Variants in NELL1 observed in about 807,000 individuals in gnomAD.
NELL1 encodes neural EGFL like 1, also known as protein kinase C-binding protein NELL1.
Under a neutral mutation model 107.4 loss-of-function variants are expected in NELL1, and 76 were observed. That is an observed-to-expected ratio of 0.71 (90% confidence interval 0.59 to 0.86). NELL1 has a LOEUF of 0.86. Among genes scored for constraint, NELL1 ranks in the 40% least tolerant of loss-of-function variants. NELL1 has a pLI of 0.00. For missense variants in NELL1, 1,024 were observed against 1,005.5 expected, an observed-to-expected ratio of 1.02 and a Z score of -0.25; for synonymous variants, 353 against 341.2, an observed-to-expected ratio of 1.03 and a Z score of -0.38.
intron 3 of NELL1, among the ~76,000 whole-genome samples, chr11:20,796,850 G>A (rs561353553): frequency 1.3e-5 from 2 of 152,298 alleles, no homozygotes; most frequent in African/African-American, 4.8e-5. Flanking sequence ...ACCAAAAGGA[G>A]TCAGAAATTC....
intron 12 of NELL1, among the ~76,000 whole-genome samples, chr11:21,027,282 C>CTAGTTTAGTTTAGTTTAGTTTAGTT (rs60300243): frequency 3.8e-4 from 53 of 141,002 alleles, no homozygotes; most frequent in Middle Eastern, 3.6e-3. Flanking sequence ...TGGGAAAAGC[C>CTAGTTTAGTTTAGTTTAGTTTAGTT]TAGTTTAGTT....
At chr11:21,073,146 C>T (rs1289181423) in intron 12 of NELL1, among the ~76,000 whole-genome samples, 1 of 152,150 alleles carries the variant, frequency 6.6e-6, no homozygotes, top group Non-Finnish European at 1.5e-5. Flanking sequence ...TATGTTGAGT[C>T]TGTTTGATCT....
chr11:21,547,875 T>C (rs190009941), intron 16 of NELL1, among the ~76,000 whole-genome samples: 9 of 151,946 alleles, frequency 5.9e-5, no homozygotes, highest in Admixed American at 5.9e-4. Flanking sequence ...TGCCACGTAG[T>C]GAGTAGCAAT....
intron 15 of NELL1, among the ~76,000 whole-genome samples, chr11:21,448,625 T>C (rs899640284): frequency 6.6e-6 from 1 of 152,198 alleles, no homozygotes; most frequent in Non-Finnish European, 1.5e-5. Flanking sequence ...GATAAGTTTT[T>C]ATGTGGGTAT....
At chr11:21,398,616 A>C (rs1852031219) in intron 15 of NELL1, among the ~76,000 whole-genome samples, 1 of 151,746 alleles carries the variant, frequency 6.6e-6, no homozygotes, top group African/African-American at 2.4e-5. Flanking sequence ...TGAGGAGGGC[A>C]GTTAGAAGGA....
chr11:21,455,674 T>C (rs1328115275), intron 15 of NELL1, among the ~76,000 whole-genome samples: 5 of 152,064 alleles, frequency 3.3e-5, no homozygotes, highest in African/African-American at 7.2e-5. Flanking sequence ...TTTTCATCCA[T>C]TTTGATTAAG....
At chr11:20,968,843 A>G (rs1851437647) in intron 12 of NELL1, among the ~76,000 whole-genome samples, 1 of 152,050 alleles carries the variant, frequency 6.6e-6, no homozygotes, top group Non-Finnish European at 1.5e-5. Context: ...ATGGAAGGTT[A>G]CCAGTGGGAG....
Position 20,980,161 on chromosome 11 carries a change from G to A in NELL1, c.1300+19601G>A, listed in dbSNP as rs186502073. Among the ~76,000 whole-genome samples, 243 of 152,186 alleles carry A rather than the reference G, an allele frequency of 1.6e-3. 1 individual carries two copies. The highest frequency in any genetic ancestry group is 5.5e-3 in the African/African-American group (230 of 41,494). ...TGTCTGAATTTATCGAGCATCTCTT[G>A]TTCTCAGATACTGTGCTAGGTACTA... On this transcript the variant is annotated intron_variant, in intron 12 of 19. Transcript: ENST00000357134.
intron 15 of NELL1, among the ~76,000 whole-genome samples, chr11:21,427,011 G>C (rs1178710106): frequency 1.3e-5 from 2 of 152,146 alleles, no homozygotes; most frequent in African/African-American, 4.8e-5. Context: ...TTGCCCCCAT[G>C]TAATTACCAC....
rs186059887 is a variant in NELL1 at position 20,699,616 on chromosome 11, C to T, written c.184+21556C>T. ...CTCATGATCTGCCCACCTTGGCCTCCCAAAGTGCTGGGATTACAGGCGTGA... is the reference window on the plus strand; with the variant it reads ...CTCATGATCTGCCCACCTTGGCCTCTCAAAGTGCTGGGATTACAGGCGTGA... On this transcript the variant is annotated intron_variant, in intron 2 of 19. Transcript: ENST00000357134. 1.7e-3 allele frequency among the ~76,000 whole-genome samples: 266 copies of T among 152,292 alleles called. 1 individual carries two copies. The highest frequency in any genetic ancestry group is 6.3e-3 in the African/African-American group (260 of 41,560).
At chr11:20,923,256 GA>G in intron 7 of NELL1, among the ~76,000 whole-genome samples, 1 of 152,236 alleles carries the variant, frequency 6.6e-6, no homozygotes, top group East Asian at 1.9e-4. Flanking sequence ...GTCTGTGTAG[GA>G]GAGCTCATTG....
intron 13 of NELL1, among the ~76,000 whole-genome samples, chr11:21,183,654 G>C (rs377022280): frequency 6.6e-6 from 1 of 151,822 alleles, no homozygotes; most frequent in African/African-American, 2.4e-5. Flanking sequence ...ATTTTCACTC[G>C]TATTTCAAGG....
At chr11:20,755,844 C>A (rs1208755260) in intron 2 of NELL1, among the ~76,000 whole-genome samples, 1 of 147,748 alleles carries the variant, frequency 6.8e-6, no homozygotes, top group African/African-American at 2.5e-5. Context: ...GCATGAGCCA[C>A]CACGCCCAGC....
chr11:20,784,544 G>A lies in NELL1; in HGVS notation c.335+714G>A, dbSNP rs553654959. Among the ~76,000 whole-genome samples the A allele has an allele frequency of 3.5e-4, 48 of 136,046 alleles. No homozygotes were observed. In the Middle Eastern group the frequency reaches 0.011, roughly 30 times the overall value. 89.3% of individuals were successfully genotyped at this position (136,046 alleles called of 152,430 possible). Reference sequence around the variant, plus strand: ...GAAGGGATGAGAGTTTGGGGTGGGCGATGGGGCTGGTATTATAGAGGTAGG... The same window carrying A: ...GAAGGGATGAGAGTTTGGGGTGGGCAATGGGGCTGGTATTATAGAGGTAGG... On this transcript the variant is annotated intron_variant, in intron 3 of 19. Transcript: ENST00000357134.
rs1264740314 is a variant in NELL1 at position 20,706,183 on chromosome 11, C to G, written c.184+28123C>G. On this transcript the variant is annotated intron_variant, in intron 2 of 19. Coordinates refer to ENST00000357134, the MANE Select transcript of NELL1 (RefSeq NM_006157.5). ...ATTACTGGGTTATATACCCAAAGGA[C>G]TATAAATCATGCTGCTATAAAGACA... Among the ~76,000 whole-genome samples, 3 of 152,068 alleles carry G rather than the reference C, an allele frequency of 2.0e-5. No homozygotes were observed. The East Asian group carries it at 5.8e-4, about 29-fold the overall frequency.
rs754569941 is a variant in NELL1, at chr11:21,113,659, A to G, written c.1371A>G (p.Leu457=). 6.2e-7 allele frequency: 1 copy of G among 1,612,312 alleles called. No homozygotes were observed. The highest frequency in any genetic ancestry group is 2.2e-5 in the East Asian group (1 of 44,810). Residue 457 remains leucine, a synonymous_variant, in exon 13 of 20, where the codon TTA becomes TTG. Coordinates refer to ENST00000357134, the MANE Select transcript of NELL1 (RefSeq NM_006157.5). The part of the protein sequence containing the change: ...ANTVCVNLPG[L]YRCDCVPGYI... ...CTGTGTGTGTCAACCTTCCTGGGTT[A>G]TATCGCTGTGACTGTGTCCCAGGAT...
intron 12 of NELL1, among the ~76,000 whole-genome samples, chr11:21,086,317 C>T (rs577774272): frequency 1.3e-4 from 19 of 151,976 alleles, no homozygotes; most frequent in Admixed American, 2.6e-4. Flanking sequence ...TGACATTAAA[C>T]AAAGTTTTTA....
chr11:20,960,700 G>A, intron 12 of NELL1, 140 bp downstream of exon 12: 1 of 949,462 alleles, frequency 1.1e-6, no homozygotes, highest in South Asian at 1.8e-5. Context: ...ATTGCTGAGG[G>A]TTCTCTGTTC....
intron 4 of NELL1, among the ~76,000 whole-genome samples, chr11:20,885,034 G>A (rs1023197593): frequency 3.3e-5 from 5 of 152,180 alleles, no homozygotes; most frequent in African/African-American, 1.2e-4. Flanking sequence ...AAAGTACAGT[G>A]GCTTTAGAGC....
Sources: allele counts gnomAD v4.1 joint callset (sites outside exome capture counted in the v4.1 genomes callset), GRCh38; gene constraint gnomAD v4.1.1; transcripts MANE v1.5; gene names NCBI Gene and HGNC (gene_info 2026-07-23, HGNC 2026-07-21).